Variants in DGKB observed in about 807,000 individuals in gnomAD.
DGKB encodes diacylglycerol kinase beta.
In DGKB, 67 loss-of-function variants were observed where a neutral mutation model predicts 114.3. That is an observed-to-expected ratio of 0.59 (90% confidence interval 0.48 to 0.72). The LOEUF is 0.72. Among genes scored for constraint, DGKB ranks in the 30% least tolerant of loss-of-function variants. DGKB has a pLI of 0.00. For missense variants in DGKB, 907 were observed against 975.2 expected, an observed-to-expected ratio of 0.93 and a Z score of 0.93; for synonymous variants, 398 against 323.1, an observed-to-expected ratio of 1.23 and a Z score of -2.49.
chr7:14,885,539 T>C (rs900562801), intron 1 of DGKB, among the ~76,000 whole-genome samples: 1 of 151,506 alleles, frequency 6.6e-6, no homozygotes, highest in Non-Finnish European at 1.5e-5. Context: ...ATGCAAGGAG[T>C]GTACAGTGGC....
intron 20 of DGKB, among the ~76,000 whole-genome samples, chr7:14,479,224 T>C (rs1206019753): frequency 6.6e-6 from 1 of 152,162 alleles, no homozygotes; most frequent in East Asian, 1.9e-4. Context: ...AATAAAGAAG[T>C]TGTGTATTTG....
intron 21 of DGKB, among the ~76,000 whole-genome samples, chr7:14,409,828 G>A (rs543952573): frequency 6.6e-6 from 1 of 151,300 alleles, no homozygotes; most frequent in Non-Finnish European, 1.5e-5. Context: ...CTTATAAACA[G>A]ACAAGTACTG....
intron 20 of DGKB, among the ~76,000 whole-genome samples, chr7:14,500,398 T>C (rs1389648637): frequency 2.0e-5 from 3 of 151,792 alleles, no homozygotes; most frequent in Admixed American, 6.6e-5. Flanking sequence ...TGTTTATTCA[T>C]TGAACCCTTA....
intron 23 of DGKB, among the ~76,000 whole-genome samples, chr7:14,320,135 A>T (rs1165343824): frequency 2.0e-5 from 3 of 152,122 alleles, no homozygotes; most frequent in Non-Finnish European, 4.4e-5. Flanking sequence ...TGGTCCTAAG[A>T]GTCATAGGTG....
At chr7:14,774,569 T>G (rs1837879246) in intron 2 of DGKB, among the ~76,000 whole-genome samples, 1 of 152,210 alleles carries the variant, frequency 6.6e-6, no homozygotes, top group Admixed American at 6.5e-5. Context: ...AAACCACTGG[T>G]GCTTTGAAAA....
At chr7:14,665,786 C>T (rs1817919605) in intron 13 of DGKB, among the ~76,000 whole-genome samples, 1 of 151,926 alleles carries the variant, frequency 6.6e-6, no homozygotes, top group Non-Finnish European at 1.5e-5. Context: ...AGCCACTTTA[C>T]CTCATCATAA....
Position 14,757,660 on chromosome 7 carries a change from C to T in DGKB, c.142G>A (p.Glu48Lys). 1 of 1,583,220 alleles carries T rather than the reference C, an allele frequency of 6.3e-7. No homozygotes were observed. Among genetic ancestry groups the T allele is most frequent in the South Asian group, 1.1e-5 (1 of 88,958 alleles). ...TAAAGAAAAAGAAGTTTTACCCCTT[C>T]AGGATTATACTTTGCAAGCACACCA... is the stretch of plus-strand genomic sequence containing the variant. Reference protein sequence around the residue: ...GNGVLAKYNPEGKQDILNQTI... With the variant: ...GNGVLAKYNPKGKQDILNQTI... The change falls in exon 3 of 26, where the codon GAA becomes AAA. Residue 48 changes from glutamate (E) to lysine (K), a missense_variant. Glu to Lys is a moderately conservative substitution (Grantham distance 56). Coordinates refer to ENST00000402815, the MANE Select transcript of DGKB (RefSeq NM_001350709.2).
chr7:14,801,947 C>CACACAT (rs59619294), intron 2 of DGKB, among the ~76,000 whole-genome samples: 1 of 151,120 alleles, frequency 6.6e-6, no homozygotes, highest in Admixed American at 6.6e-5. Context: ...CACACACACA[C>CACACAT]GCACACACAT....
intron 21 of DGKB, among the ~76,000 whole-genome samples, chr7:14,349,471 C>G (rs10247569): frequency 0.78 from 118,427 of 152,054 alleles, 47,199 homozygotes; most frequent in African/African-American, 0.92. Context: ...GCGTAATTAG[C>G]ATTATGTGTG....
At chr7:14,578,475 A>G (rs929712455) in intron 19 of DGKB, among the ~76,000 whole-genome samples, 29 of 152,198 alleles carry the variant, frequency 1.9e-4, no homozygotes, top group African/African-American at 6.0e-4. Context: ...ACCGTAAAGC[A>G]TATTTCTTTG....
At chr7:14,478,870 C>CTGAGACCCCAAGTGCA (rs1203771199) in intron 20 of DGKB, among the ~76,000 whole-genome samples, 1 of 151,518 alleles carries the variant, frequency 6.6e-6, no homozygotes, top group Non-Finnish European at 1.5e-5. Flanking sequence ...CAATTTGTTT[C>CTGAGACCCCAAGTGCA]TGAGACCCCA....
intron 21 of DGKB, among the ~76,000 whole-genome samples, chr7:14,447,925 A>G (rs1421152844): frequency 6.6e-6 from 1 of 152,126 alleles, no homozygotes; most frequent in Non-Finnish European, 1.5e-5. Context: ...AAATAAAACT[A>G]TCTAAAAACT....
intron 13 of DGKB, among the ~76,000 whole-genome samples, chr7:14,646,110 T>C (rs960564242): frequency 1.3e-5 from 2 of 152,148 alleles, no homozygotes; most frequent in East Asian, 1.9e-4. Context: ...TCCAACTATA[T>C]GCTGCCTACA....
chr7:14,939,750 A>G (rs1785470237), intron 1 of DGKB, among the ~76,000 whole-genome samples: 1 of 140,570 alleles, frequency 7.1e-6, no homozygotes, highest in Non-Finnish European at 1.5e-5. Flanking sequence ...AGTAACTGGG[A>G]TTACAGGTAC....
intron 1 of DGKB, among the ~76,000 whole-genome samples, chr7:14,972,331 T>C (rs1446966970): frequency 6.6e-6 from 1 of 152,150 alleles, no homozygotes; most frequent in Admixed American, 6.5e-5. Context: ...GCTGGCAAAC[T>C]GGACTAAATA....
chr7:14,225,082 C>G (rs375063850), intron 23 of DGKB, among the ~76,000 whole-genome samples: 6 of 152,034 alleles, frequency 3.9e-5, no homozygotes, highest in Admixed American at 1.3e-4. Flanking sequence ...CAATCTCCCC[C>G]CAATTGCCTT....
chr7:14,826,739 G>C (rs1209408837), intron 2 of DGKB, among the ~76,000 whole-genome samples: 1 of 152,088 alleles, frequency 6.6e-6, no homozygotes, highest in Non-Finnish European at 1.5e-5. Flanking sequence ...ATAATAATAA[G>C]TACTGGCTTG....
intron 23 of DGKB, among the ~76,000 whole-genome samples, chr7:14,298,319 C>A (rs1802930355): frequency 6.6e-6 from 1 of 152,158 alleles, no homozygotes; most frequent in Non-Finnish European, 1.5e-5. Flanking sequence ...TACAAGGCTA[C>A]ATTAACCAAA....
rs931844195 is a variant in DGKB at position 14,676,158 on chromosome 7, T to C, written c.1036-3131A>G. Among the ~76,000 whole-genome samples the C allele has an allele frequency of 5.9e-5, 9 of 152,072 alleles. No individual in the cohort carries two copies. In the East Asian group the frequency reaches 7.7e-4, roughly 13 times the overall value. On this transcript the variant is annotated intron_variant, in intron 12 of 25. Transcript: ENST00000402815. ...AGCAAAAATCAACAAAATTATACAATAGAATTCAAAAGCTACAAATTTTTT... is the reference window on the plus strand; with the variant it reads ...AGCAAAAATCAACAAAATTATACAACAGAATTCAAAAGCTACAAATTTTTT...
Sources: gnomAD v4.1 joint callset for allele counts (sites outside exome capture counted in the v4.1 genomes callset) on GRCh38, gnomAD v4.1.1 for gene constraint, MANE v1.5 for transcripts, NCBI Gene and HGNC (gene_info 2026-07-23, HGNC 2026-07-21) for gene names.